Variants in TENM3 observed in about 807,000 individuals in gnomAD.
TENM3 encodes teneurin-3.
A neutral mutation model predicts 255.1 loss-of-function variants in TENM3; 63 were observed. That is an observed-to-expected ratio of 0.25 (90% CI 0.20 to 0.30). The LOEUF is 0.30. Among genes scored for constraint, TENM3 ranks in the 10% least tolerant of loss-of-function variants. The pLI is 1.00. For missense variants in TENM3, 2,929 were observed against 3,461.1 expected (o/e 0.85, Z 3.86); for synonymous variants, 1,306 against 1,322.3 (o/e 0.99, Z 0.27).
At chr4:181,851,946 G>T in the TENM3 span, among the ~76,000 whole-genome samples, 1 of 152,064 alleles carries the variant, frequency 6.6e-6, no homozygotes, top group African/African-American at 2.4e-5. Flanking sequence ...GATTTTAAAT[G>T]ACCTCCAAAG....
chr4:181,816,607 A>T, the TENM3 span, among the ~76,000 whole-genome samples: 1 of 152,126 alleles, frequency 6.6e-6, no homozygotes, highest in African/African-American at 2.4e-5. Context: ...ACAACATTAC[A>T]TGTCTAAAAA....
intron 3 of TENM3, among the ~76,000 whole-genome samples, chr4:182,547,110 T>G (rs184475046): frequency 6.6e-6 from 1 of 152,186 alleles, no homozygotes; most frequent in Admixed American, 6.5e-5. Flanking sequence ...GCTTCTTACA[T>G]CTGCCTATTT....
chr4:181,985,433 C>T, the TENM3 span, among the ~76,000 whole-genome samples: 1 of 151,894 alleles, frequency 6.6e-6, no homozygotes, highest in Non-Finnish European at 1.5e-5. Context: ...TAAAATAATC[C>T]TCATCTCTAA....
At chr4:181,882,666 A>G in the TENM3 span, among the ~76,000 whole-genome samples, 231 of 152,332 alleles carry the variant, frequency 1.5e-3, 2 homozygotes, top group African/African-American at 5.2e-3. Context: ...AGTTACTCCT[A>G]AGGTCTCCTC....
At chr4:182,634,109 G>T (rs1333415960) in intron 5 of TENM3, among the ~76,000 whole-genome samples, 1 of 152,300 alleles carries the variant, frequency 6.6e-6, no homozygotes, top group African/African-American at 2.4e-5. Flanking sequence ...AGGAAATGCT[G>T]TCACGTGTCC....
At chr4:181,559,669 C>T in the TENM3 span, among the ~76,000 whole-genome samples, 67 of 152,214 alleles carry the variant, frequency 4.4e-4, no homozygotes, top group African/African-American at 1.5e-3. Flanking sequence ...ATATATTTAA[C>T]ATTATGACTA....
chr4:182,290,817 A>G (rs1013939869), intron 1 of TENM3, among the ~76,000 whole-genome samples: 15 of 142,826 alleles, frequency 1.1e-4, no homozygotes, highest in African/African-American at 3.9e-4. Flanking sequence ...AGCCTTTTAA[A>G]TAGGAGGTTT....
At chr4:181,813,424 C>A in the TENM3 span, among the ~76,000 whole-genome samples, 1 of 152,178 alleles carries the variant, frequency 6.6e-6, no homozygotes, top group Non-Finnish European at 1.5e-5. Flanking sequence ...GCGTCAAGCA[C>A]ACAAGCATTG....
chr4:181,627,442 C>A, the TENM3 span, among the ~76,000 whole-genome samples: 1 of 152,132 alleles, frequency 6.6e-6, no homozygotes, highest in Non-Finnish European at 1.5e-5. Flanking sequence ...CACATTAACT[C>A]GTCATTTACA....
At chr4:182,190,219 C>T (rs183527200) in intron 1 of TENM3, 5 of 152,228 alleles carry the variant, frequency 3.3e-5, no homozygotes, top group African/African-American at 1.2e-4. Context: ...AATTCTAGAT[C>T]TCTGGAAGGG....
intron 1 of TENM3, among the ~76,000 whole-genome samples, chr4:182,160,292 G>A (rs902660404): frequency 3.3e-5 from 5 of 152,018 alleles, no homozygotes; most frequent in Admixed American, 2.6e-4. Flanking sequence ...GTGAGCCACC[G>A]CGCCCGCCTA....
At chr4:182,345,319 G>A (rs1475779516) in intron 2 of TENM3, among the ~76,000 whole-genome samples, 4 of 151,922 alleles carry the variant, frequency 2.6e-5, no homozygotes. Flanking sequence ...GATTCAACAT[G>A]GTATCATTTT....
At chr4:182,437,671 G>A (rs1255157532) in intron 3 of TENM3, among the ~76,000 whole-genome samples, 4 of 152,038 alleles carry the variant, frequency 2.6e-5, no homozygotes, top group Non-Finnish European at 4.4e-5. Context: ...GGTGGTAGGC[G>A]CTTGTAATCC....
At chr4:181,677,768 A>T in the TENM3 span, among the ~76,000 whole-genome samples, 1 of 152,058 alleles carries the variant, frequency 6.6e-6, no homozygotes, top group African/African-American at 2.4e-5. Context: ...ATCTGGCCAT[A>T]CTTAGCCCTG....
chr4:182,629,021 G>A (rs1306286830), intron 5 of TENM3, 132 bp downstream of exon 5: 7 of 644,318 alleles, frequency 1.1e-5, no homozygotes, highest in African/African-American at 9.2e-5. Context: ...TGGTAATAAT[G>A]TATCATAAAT....
At chr4:182,029,609 T>C in the TENM3 span, among the ~76,000 whole-genome samples, 2 of 152,168 alleles carry the variant, frequency 1.3e-5, no homozygotes, top group Admixed American at 6.6e-5. Flanking sequence ...TCTTATACTT[T>C]TTGTCTTGAA....
chr4:181,634,308 C>T, the TENM3 span, among the ~76,000 whole-genome samples: 2 of 150,920 alleles, frequency 1.3e-5, no homozygotes, highest in Admixed American at 6.6e-5. Flanking sequence ...TTTCTTCAAT[C>T]GTTTGAAAAA....
the TENM3 span, among the ~76,000 whole-genome samples, chr4:181,609,076 G>T: frequency 6.6e-6 from 1 of 152,046 alleles, no homozygotes; most frequent in Non-Finnish European, 1.5e-5. Context: ...GCAAAAGGAA[G>T]ACAGGAAAGG....
At chr4:182,613,279 G>C (rs1749178565) in intron 4 of TENM3, among the ~76,000 whole-genome samples, 1 of 152,078 alleles carries the variant, frequency 6.6e-6, no homozygotes, top group South Asian at 2.1e-4. Flanking sequence ...TATAATACAA[G>C]TTTGTACACT....
Sources: allele counts gnomAD v4.1 joint callset (sites outside exome capture counted in the v4.1 genomes callset), GRCh38; gene constraint gnomAD v4.1.1; transcripts MANE v1.5; gene names NCBI Gene and HGNC (gene_info 2026-07-23, HGNC 2026-07-21).